Variants in PRIM2 observed in about 807,000 individuals in gnomAD.
The protein encoded by PRIM2 is DNA primase subunit 2.
In PRIM2, 39 loss-of-function variants were observed where a neutral mutation model predicts 67.3. The ratio of observed to expected loss-of-function variants is 0.58; its 90% CI spans 0.45 to 0.76. The LOEUF is 0.76. PRIM2 is among the 30% of genes least tolerant of loss of function. The probability of loss-of-function intolerance (pLI) is 0.00; values close to 1 mark genes in which losing one functional copy is unlikely to be tolerated. For synonymous variants in PRIM2, 143 were observed against 198.7 expected, an observed-to-expected ratio of 0.72 and a Z score of 2.36; for missense variants, 398 against 598.7, an observed-to-expected ratio of 0.66 and a Z score of 3.50.
intron 7 of PRIM2, among the ~76,000 whole-genome samples, chr6:57,453,228 C>A (rs1378675107): frequency 3.3e-5 from 5 of 152,180 alleles, no homozygotes; most frequent in Non-Finnish European, 7.3e-5. Flanking sequence ...ATGATGCCTC[C>A]AGCTTTGTTC....
At chr6:57,527,855 C>A (rs1774792763) in intron 8 of PRIM2, among the ~76,000 whole-genome samples, 1 of 152,208 alleles carries the variant, frequency 6.6e-6, no homozygotes, top group Non-Finnish European at 1.5e-5. Context: ...AATTCTGATA[C>A]TTAACATCCT....
chr6:57,375,143 C>T lies in PRIM2; in HGVS notation c.460-4758C>T, dbSNP rs576542196. Reference sequence around the variant, plus strand: ...TGAGAAAGGGCAAGCTTGTCTTGTGCGGGTTTTCAGGGGGAATGTTTCCAG... The same window carrying T: ...TGAGAAAGGGCAAGCTTGTCTTGTGTGGGTTTTCAGGGGGAATGTTTCCAG... On this transcript the variant is annotated intron_variant, in intron 5 of 13. Transcript: ENST00000615550. Among the ~76,000 whole-genome samples, 8 of 152,290 alleles carry T rather than the reference C, an allele frequency of 5.3e-5. No homozygotes were observed. The East Asian group carries it at 9.7e-4, about 18-fold the overall frequency.
intron 10 of PRIM2, among the ~76,000 whole-genome samples, chr6:57,542,357 GAGA>G (rs1468533725): frequency 1.3e-5 from 2 of 152,114 alleles, no homozygotes; most frequent in African/African-American, 4.8e-5. Context: ...TGTAAATTGG[GAGA>G]AGAAAAAGGA....
chr6:57,427,782 C>G (rs1196635651), intron 7 of PRIM2, among the ~76,000 whole-genome samples: 1 of 152,026 alleles, frequency 6.6e-6, no homozygotes, highest in African/African-American at 2.4e-5. Context: ...GGAATACTTT[C>G]TGAGATGGCA....
intron 10 of PRIM2, among the ~76,000 whole-genome samples, chr6:57,585,675 G>A (rs1776175495): frequency 6.6e-6 from 1 of 152,044 alleles, no homozygotes; most frequent in South Asian, 2.1e-4. Flanking sequence ...GAGGGTAGGG[G>A]GTTCTCTCTA....
intron 12 of PRIM2, among the ~76,000 whole-genome samples, chr6:57,607,823 G>A (rs1365828044): frequency 6.6e-6 from 1 of 152,066 alleles, no homozygotes; most frequent in Admixed American, 6.6e-5. Context: ...TGGTATTAAT[G>A]TGGATTTAGG....
chr6:57,323,920 T>C (rs1208439929), intron 3 of PRIM2, among the ~76,000 whole-genome samples: 1 of 151,986 alleles, frequency 6.6e-6, no homozygotes, highest in Non-Finnish European at 1.5e-5. Flanking sequence ...GACTCCATCA[T>C]ACAGAAGATA....
chr6:57,334,747 A>G (rs1415534963), intron 5 of PRIM2, among the ~76,000 whole-genome samples: 2 of 152,206 alleles, frequency 1.3e-5, no homozygotes, highest in Non-Finnish European at 2.9e-5. Flanking sequence ...AGTACTGTGC[A>G]TGGAATATAT....
At chr6:57,312,130 C>T (rs1193751144), upstream of PRIM2, among the ~76,000 whole-genome samples, 4 of 151,458 alleles carry the variant, frequency 2.6e-5, no homozygotes, top group East Asian at 7.8e-4. Context: ...TAACAATGAC[C>T]CTGTGTTAAT....
the PRIM2 span, among the ~76,000 whole-genome samples, chr6:57,272,104 A>G: frequency 1.3e-5 from 2 of 152,070 alleles, no homozygotes; most frequent in Admixed American, 6.6e-5. Flanking sequence ...CGTATATTCT[A>G]TTGATTTGGG....
chr6:57,296,611 TGGTGGTGGTAG>T, the PRIM2 span, among the ~76,000 whole-genome samples: 7 of 151,184 alleles, frequency 4.6e-5, no homozygotes, highest in East Asian at 1.9e-4. Flanking sequence ...TAGTGGGTGG[TGGTGGTGGTAG>T]GGTGGTGGTA....
chr6:57,628,339 G>A (rs1365078107), intron 12 of PRIM2, among the ~76,000 whole-genome samples: 5 of 152,120 alleles, frequency 3.3e-5, no homozygotes, highest in African/African-American at 1.2e-4. Flanking sequence ...ATCTTGGGAA[G>A]CTATCTTTTT....
At chr6:57,360,916 C>G (rs1769175877) in intron 5 of PRIM2, among the ~76,000 whole-genome samples, 1 of 152,002 alleles carries the variant, frequency 6.6e-6, no homozygotes, top group African/African-American at 2.4e-5. Flanking sequence ...TAAGATGGAT[C>G]TAAAATGAAT....
At chr6:57,619,887 C>A (rs1229725787) in intron 12 of PRIM2, among the ~76,000 whole-genome samples, 1 of 152,032 alleles carries the variant, frequency 6.6e-6, no homozygotes, top group Non-Finnish European at 1.5e-5. Flanking sequence ...TTGCTAGAGA[C>A]CTAGACATGC....
chr6:57,533,731 A>C (rs1316867589), intron 9 of PRIM2, among the ~76,000 whole-genome samples: 3 of 152,174 alleles, frequency 2.0e-5, no homozygotes, highest in Non-Finnish European at 4.4e-5. Context: ...ATTTCATTGG[A>C]TACTGTTGGA....
intron 7 of PRIM2, among the ~76,000 whole-genome samples, chr6:57,396,236 T>C (rs11966837): frequency 0.033 from 5,019 of 152,262 alleles, 273 homozygotes; most frequent in African/African-American, 0.11. Context: ...ATGACCTGTC[T>C]AGTGCTATCA....
intron 5 of PRIM2, among the ~76,000 whole-genome samples, chr6:57,363,997 A>T (rs1487093919): frequency 6.8e-6 from 1 of 146,712 alleles, no homozygotes; most frequent in Non-Finnish European, 1.5e-5. Context: ...ACTATTTCCC[A>T]GTTTGTTATT....
intron 8 of PRIM2, among the ~76,000 whole-genome samples, chr6:57,519,831 A>G (rs1348026857): frequency 2.6e-5 from 4 of 152,200 alleles, no homozygotes; most frequent in Admixed American, 6.5e-5. Context: ...AGACAGGCGT[A>G]AGAAATTATA....
chr6:57,282,762 A>G, the PRIM2 span, among the ~76,000 whole-genome samples: 1 of 152,180 alleles, frequency 6.6e-6, no homozygotes, highest in Non-Finnish European at 1.5e-5. Context: ...TGCAAAAGAA[A>G]CCAAACCTAC....
Sources: allele counts gnomAD v4.1 joint callset (sites outside exome capture counted in the v4.1 genomes callset), GRCh38; gene constraint gnomAD v4.1.1; transcripts MANE v1.5; gene names NCBI Gene and HGNC (gene_info 2026-07-23, HGNC 2026-07-21).